NFAM1: variants seen among roughly 807,000 people sequenced by gnomAD.
NFAM1 encodes the protein NFAT activation molecule 1.
Under a neutral mutation model 29.0 loss-of-function variants are expected in NFAM1, and 17 were observed. The ratio of observed to expected loss-of-function variants is 0.59; its 90% CI spans 0.40 to 0.88. The LOEUF is 0.88. Ranked by LOEUF, NFAM1 falls within the 40% of genes least tolerant of loss-of-function variation. The pLI is 0.00. For synonymous variants in NFAM1, 175 were observed against 147.2 expected, an observed-to-expected ratio of 1.19 and a Z score of -1.36; for missense variants, 324 against 344.6, an observed-to-expected ratio of 0.94 and a Z score of 0.47.
At chr22:42,415,156 T>G (rs8137110) in intron 1 of NFAM1, among the ~76,000 whole-genome samples, 70,320 of 151,714 alleles carry the variant, frequency 0.46, 17,300 homozygotes, top group African/African-American at 0.63. Context: ...AATAACAACG[T>G]CCAGTCTGGA....
In NFAM1 at chr22:42,409,501, G is replaced by C; in HGVS notation, c.498C>G (p.Leu166=). The stretch of plus-strand genomic sequence containing the variant: ...CACTCAGGAGGCCGGTGAAGCCAAA[G>C]AGCAGGAGCTTCTGTGGACTCTGCG... ...EPPQSPQKLL[L]FGFTGLLSVL... Residue 166 remains leucine (L), a synonymous_variant, in exon 3 of 6, where the codon CTC becomes CTG. Transcript: ENST00000329021. This position sits in a 1 kb window ranked among gnomAD's most constrained non-coding sequence, Gnocchi z 4.9. 1.3e-6 allele frequency: 2 copies of C among 1,568,166 alleles called. No individual in the cohort carries two copies. Among genetic ancestry groups the C allele is most frequent in the Non-Finnish European group, 1.7e-6 (2 of 1,156,056 alleles).
chr22:42,387,580 A>C (rs926037690), intron 4 of NFAM1, among the ~76,000 whole-genome samples: 20 of 15,790 alleles, frequency 1.3e-3, no homozygotes, highest in South Asian at 4.1e-3. Context: ...CCCAACCCCC[A>C]CCCCAGCCTG....
rs921933044 is a variant in NFAM1 at position 42,411,324 on chromosome 22, C to T, written c.451+83G>A. 15 of 1,122,094 alleles carry T rather than the reference C, an allele frequency of 1.3e-5. No individual in the cohort carries two copies. The Admixed American group carries it at 3.2e-4, about 24-fold the overall frequency. 69.5% of individuals were successfully genotyped at this position (1,122,094 alleles called of 1,614,324 possible). On this transcript the variant is annotated intron_variant, in intron 2 of 5. Transcript: ENST00000329021. ...GTGAGCCACTGCGCCTGGCCCCATT[C>T]TCTATTTCCGATCCAAAGTCCCAAA...
upstream of NFAM1, among the ~76,000 whole-genome samples, chr22:42,434,001 C>G (rs938584885): frequency 1.3e-5 from 2 of 152,094 alleles, no homozygotes; most frequent in Admixed American, 1.3e-4. Context: ...CAAACTGCCT[C>G]GGAACAAGGG....
intron 5 of NFAM1, among the ~76,000 whole-genome samples, chr22:42,385,853 G>A (rs1370278338): frequency 6.6e-6 from 1 of 152,154 alleles, no homozygotes; most frequent in African/African-American, 2.4e-5. Context: ...TTAACAAATA[G>A]TGCCAGCCCG....
chr22:42,431,500 G>A (rs527259545), intron 1 of NFAM1, among the ~76,000 whole-genome samples: 3 of 152,286 alleles, frequency 2.0e-5, no homozygotes, highest in African/African-American at 4.8e-5. Context: ...CTGAGCCCTC[G>A]TGCTGGCAGC....
chr22:42,409,509 G>A lies in NFAM1; in HGVS notation c.490C>T (p.Leu164Phe), dbSNP rs1930010776. The change falls in exon 3 of 6, where the codon CTC becomes TTC. Residue 164 changes from leucine to phenylalanine, a missense_variant. Transcript: ENST00000329021. This position sits in a 1 kb window ranked among gnomAD's most constrained non-coding sequence, Gnocchi z 4.9. ...YREPPQSPQK[L>F]LLFGFTGLLS... Reference sequence around the variant, plus strand: ...AGGCCGGTGAAGCCAAAGAGCAGGAGCTTCTGTGGACTCTGCGGGGGCTCT... The same window carrying A: ...AGGCCGGTGAAGCCAAAGAGCAGGAACTTCTGTGGACTCTGCGGGGGCTCT... The A allele has an allele frequency of 1.3e-6, 2 of 1,566,570 alleles. No homozygotes were observed.
chr22:42,396,591 C>T (rs1929533434), intron 4 of NFAM1, among the ~76,000 whole-genome samples: 1 of 151,810 alleles, frequency 6.6e-6, no homozygotes, highest in East Asian at 1.9e-4. Flanking sequence ...CACCAGAATC[C>T]CTGGTAGGGA....
At chr22:42,395,881 C>CA (rs60278301) in intron 4 of NFAM1, among the ~76,000 whole-genome samples, 19,788 of 93,432 alleles carry the variant, frequency 0.21, 1,839 homozygotes, top group African/African-American at 0.27. Context: ...AGACTCTGCT[C>CA]AAAAAAAAAA....
chr22:42,389,118 G>C (rs1170856427), intron 4 of NFAM1, among the ~76,000 whole-genome samples: 1 of 152,226 alleles, frequency 6.6e-6, no homozygotes, highest in African/African-American at 2.4e-5. Context: ...GAGGGGAGCA[G>C]TCTCCTTGCC....
intron 3 of NFAM1, among the ~76,000 whole-genome samples, chr22:42,399,646 A>T (rs1217464546): frequency 1.3e-5 from 2 of 152,040 alleles, no homozygotes; most frequent in Admixed American, 1.3e-4. Context: ...CGCTGGTCAC[A>T]GTGGAGGCTG....
intron 4 of NFAM1, among the ~76,000 whole-genome samples, chr22:42,391,272 G>A (rs13057554): frequency 0.15 from 22,836 of 151,222 alleles, 1,788 homozygotes; most frequent in Admixed American, 0.16. Flanking sequence ...GTCTCAGAGG[G>A]CTCTGAGCAG....
chr22:42,437,756 A>G, the NFAM1 span, among the ~76,000 whole-genome samples: 1 of 152,162 alleles, frequency 6.6e-6, no homozygotes, highest in African/African-American at 2.4e-5. Context: ...GCCACCGCCT[A>G]GCAAGATCAA....
At chr22:42,405,021 G>A (rs1259205592) in intron 3 of NFAM1, among the ~76,000 whole-genome samples, 6 of 152,122 alleles carry the variant, frequency 3.9e-5, no homozygotes, top group African/African-American at 4.8e-5. Context: ...TGGCACACAC[G>A]AGACACTTTG....
At chr22:42,410,015 G>A (rs1054534690) in intron 2 of NFAM1, among the ~76,000 whole-genome samples, 1 of 152,160 alleles carries the variant, frequency 6.6e-6, no homozygotes, top group Admixed American at 6.5e-5. Flanking sequence ...CTGGCATCCA[G>A]TCCTCCTTCC....
upstream of NFAM1, chr22:42,432,462 CCT>C: frequency 7.0e-7 from 1 of 1,431,956 alleles, no homozygotes; most frequent in South Asian, 1.5e-5. Context: ...CCTGGCAGCC[CCT>C]GACCTTCCGC....
intron 3 of NFAM1, among the ~76,000 whole-genome samples, chr22:42,401,404 G>T (rs1343128381): frequency 6.6e-6 from 1 of 152,178 alleles, no homozygotes; most frequent in Non-Finnish European, 1.5e-5. Flanking sequence ...CCAGGGAAGT[G>T]GCTGCAGTTG....
At chr22:42,391,679 TCA>T (rs1929347319) in intron 4 of NFAM1, among the ~76,000 whole-genome samples, 1 of 152,102 alleles carries the variant, frequency 6.6e-6, no homozygotes, top group Non-Finnish European at 1.5e-5. Context: ...GCGCAGTGGC[TCA>T]CATCTGCAAT....
chr22:42,385,546 C>T (rs982314227), intron 5 of NFAM1, among the ~76,000 whole-genome samples: 1 of 152,142 alleles, frequency 6.6e-6, no homozygotes, highest in Admixed American at 6.5e-5. Context: ...CTGCCCCCTA[C>T]TCACTCTGCC....
Sources: allele counts gnomAD v4.1 joint callset (sites outside exome capture counted in the v4.1 genomes callset), GRCh38; gene constraint gnomAD v4.1.1; non-coding constraint Gnocchi (gnomAD v3.1); transcripts MANE v1.5; gene names NCBI Gene and HGNC (gene_info 2026-07-23, HGNC 2026-07-21).